The following MED24 variants were observed in gnomAD, a reference collection of about 807,000 sequenced individuals.
MED24 encodes mediator of RNA polymerase II transcription subunit 24.
A neutral mutation model predicts 118.8 loss-of-function variants in MED24; 74 were observed. The ratio of observed to expected loss-of-function variants is 0.62; its 90% CI spans 0.52 to 0.76. The LOEUF (loss-of-function observed/expected upper bound fraction) is 0.76. MED24 is among the 30% of genes least tolerant of loss of function. The probability of loss-of-function intolerance (pLI) is 0.00; values close to 1 mark genes in which losing one functional copy is unlikely to be tolerated. For synonymous variants in MED24, 521 were observed against 523.9 expected, an observed-to-expected ratio of 0.99 and a Z score of 0.08; for missense variants, 1,041 against 1,278.9, an observed-to-expected ratio of 0.81 and a Z score of 2.84.
chr17:40,032,918 G>T, intron 8 of MED24, 138 bp downstream of exon 8: 1 of 1,364,500 alleles, frequency 7.3e-7, no homozygotes, highest in African/African-American at 1.4e-5. Flanking sequence ...TGACAGAAGT[G>T]TGCACGACTG....
chr17:40,028,725 G>A (rs1026998392), intron 14 of MED24, 101 bp downstream of exon 14: 3 of 1,503,878 alleles, frequency 2.0e-6, no homozygotes, highest in South Asian at 2.6e-5. Context: ...GTGGGTCTCT[G>A]GATGAGACCC....
chr17:40,023,103 C>T (rs371344407), intron 20 of MED24, 28 bp downstream of exon 20: 61 of 1,596,946 alleles, frequency 3.8e-5, no homozygotes, highest in East Asian at 6.7e-5. Context: ...GGACCCATGT[C>T]GGCCCACAGC....
chr17:40,032,161 C>A (rs1006300823), intron 9 of MED24, 71 bp from the exon 10 acceptor site: 1 of 1,518,870 alleles, frequency 6.6e-7, no homozygotes, highest in Non-Finnish European at 9.1e-7. Flanking sequence ...CTGAAGGCAT[C>A]CCCCCGAACC....
intron 3 of MED24, among the ~76,000 whole-genome samples, chr17:40,048,248 G>T (rs1156630422): frequency 6.6e-6 from 1 of 152,110 alleles, no homozygotes; most frequent in Non-Finnish European, 1.5e-5. Flanking sequence ...AGTTCTAAAG[G>T]TACGGTTCAG....
chr17:40,019,702 C>G lies in MED24; in HGVS notation c.2854-57G>C, dbSNP rs1177286041. On this transcript the variant is annotated intron_variant, in intron 25 of 25. Coordinates refer to ENST00000394128, the MANE Select transcript of MED24 (RefSeq NM_014815.4). ...ACGGCTGGTGGTGGGTGTGCTGTCC[C>G]AGGGGGAAGGAGGCCCCTCCCTGCT... is the stretch of plus-strand genomic sequence containing the variant. 29 of 1,585,646 alleles carry G rather than the reference C, an allele frequency of 1.8e-5. No individual in the cohort carries two copies. In the Admixed American group the frequency reaches 5.0e-4, roughly 27 times the overall value.
Position 40,026,229 on chromosome 17 carries a change from T to C in MED24, c.1912A>G (p.Lys638Glu). The change falls in exon 19 of 26, where the codon AAG becomes GAG. Residue 638 changes from lysine to glutamate, a missense_variant. This residue lies in a region of MED24 where 587 missense variants were observed against 694.4 expected (regional missense o/e 0.85). Transcript: ENST00000394128. Reference sequence around the variant, plus strand: ...AGCTGGCGGATCATCTGCAGCGACTTCTCACGCTCATCCAGCCCCAGCATC... The same window carrying C: ...AGCTGGCGGATCATCTGCAGCGACTCCTCACGCTCATCCAGCCCCAGCATC... The part of the protein sequence containing the change: ...VRMLGLDERE[K>E]SLQMIRQLAG... 6.2e-7 allele frequency: 1 copy of C among 1,614,166 alleles called. No individual in the cohort carries two copies. Among genetic ancestry groups the C allele is most frequent in the Non-Finnish European group, 8.5e-7 (1 of 1,180,012 alleles).
In MED24 at chr17:40,022,829, A is replaced by C; in HGVS notation, c.2251-3T>G. 1 of 1,612,700 alleles carries C rather than the reference A, an allele frequency of 6.2e-7. No individual in the cohort carries two copies. ...TTCCGCGTCTCCTTCAGCAGCTCCTAGTGCGCAGGAAAGGGGGCAGTTCAG... is the reference window on the plus strand; with the variant it reads ...TTCCGCGTCTCCTTCAGCAGCTCCTCGTGCGCAGGAAAGGGGGCAGTTCAG... On this transcript the variant is annotated splice_polypyrimidine_tract_variant and splice_region_variant and intron_variant, in intron 20 of 25. Transcript: ENST00000394128.
intron 9 of MED24, 76 bp downstream of exon 9, chr17:40,032,573 G>C: frequency 8.4e-7 from 1 of 1,185,166 alleles, no homozygotes; most frequent in Non-Finnish European, 1.2e-6. Context: ...GGAACACAGG[G>C]CAAAGGTCCA....
At chr17:40,020,468 A>G (rs1166162614) in intron 23 of MED24, 115 bp from the exon 24 acceptor site, 1 of 1,542,848 alleles carries the variant, frequency 6.5e-7, no homozygotes, top group Non-Finnish European at 8.8e-7. Flanking sequence ...GTACATGGAG[A>G]GCCCAGAGAA....
intron 22 of MED24, 57 bp from the exon 23 acceptor site, chr17:40,022,111 C>T (rs1220060497): frequency 1.5e-6 from 2 of 1,359,206 alleles, no homozygotes; most frequent in Non-Finnish European, 2.0e-6. Flanking sequence ...TTCCAGCTGT[C>T]AGGGAAAAGA....
Position 40,044,376 on chromosome 17 carries a change from T to C in MED24, c.214-8222A>G, listed in dbSNP as rs1984921197. ...ATCTACTAAAAATACAAAAATTAGCTGGGCATGGTGGCGCATGCCTGTAAT... is the reference window on the plus strand; with the variant it reads ...ATCTACTAAAAATACAAAAATTAGCCGGGCATGGTGGCGCATGCCTGTAAT... On this transcript the variant is annotated intron_variant, in intron 3 of 25. Transcript: ENST00000394128. Among the ~76,000 whole-genome samples the C allele has an allele frequency of 5.3e-5, 8 of 151,008 alleles. 1 individual carries two copies. In the South Asian group the frequency reaches 1.7e-3, roughly 32 times the overall value.
chr17:40,022,295 A>G, intron 22 of MED24, 99 bp downstream of exon 22: 2 of 1,262,736 alleles, frequency 1.6e-6, no homozygotes, highest in South Asian at 1.3e-5. Flanking sequence ...CCCCAAGGGC[A>G]GGGGCCACAA....
chr17:40,019,873 T>C lies in MED24; in HGVS notation c.2765A>G (p.Gln922Arg). The part of the protein sequence containing the change: ...LGSRTAGPHT[Q>R]FVQWFMEECV... ...CTCCTCCATGAACCACTGCACGAACTGGGTGTGGGGGCCAGCGGTGCGAGA... is the reference window on the plus strand; with the variant it reads ...CTCCTCCATGAACCACTGCACGAACCGGGTGTGGGGGCCAGCGGTGCGAGA... Residue 922 changes from glutamine (Q) to arginine (R), a missense_variant, in exon 25 of 26, where the codon CAG becomes CGG. By Grantham distance (43) the Gln-to-Arg change is conservative. This residue lies in a region of MED24 where 587 missense variants were observed against 694.4 expected (regional missense o/e 0.85). Coordinates refer to ENST00000394128, the MANE Select transcript of MED24 (RefSeq NM_014815.4). The C allele has an allele frequency of 1.3e-6, 2 of 1,588,276 alleles. No homozygotes were observed. Among genetic ancestry groups the C allele is most frequent in the Non-Finnish European group, 8.6e-7 (1 of 1,166,656 alleles).
chr17:40,027,005 A>T lies in MED24; in HGVS notation c.1560T>A (p.Ala520=). 1 of 1,614,162 alleles carries T rather than the reference A, an allele frequency of 6.2e-7. No homozygotes were observed. Among genetic ancestry groups the T allele is most frequent in the Non-Finnish European group, 8.5e-7 (1 of 1,180,026 alleles). Residue 520 remains alanine, a synonymous_variant, in exon 17 of 26, where the codon GCT becomes GCA. Transcript: ENST00000394128. Reference sequence around the variant, plus strand: ...TCCAGGTCTCGAAGAAGGGCACCTCAGCTCCTGTGCGCGACTCGGACAGAA... The same window carrying T: ...TCCAGGTCTCGAAGAAGGGCACCTCTGCTCCTGTGCGCGACTCGGACAGAA... ...EVILSESRTG[A]EVPFFETWMQ...
Position 40,026,214 on chromosome 17 carries a change from T to A in MED24, c.1927A>T (p.Ile643Phe), listed in dbSNP as rs1305704800. ...AACAGTGGCCCTGCCAGCTGGCGGA[T>A]CATCTGCAGCGACTTCTCACGCTCA... Reference protein sequence around the residue: ...LDEREKSLQMIRQLAGPLFSE... With the variant: ...LDEREKSLQMFRQLAGPLFSE... Residue 643 changes from isoleucine to phenylalanine, a missense_variant, in exon 19 of 26, where the codon ATC becomes TTC. Ile to Phe is a conservative substitution (Grantham distance 21, BLOSUM62 0). Around this residue, in one of 3 missense-constraint regions of MED24, gnomAD observed 587 missense variants for 694.4 expected, o/e 0.85. Transcript: ENST00000394128. The A allele has an allele frequency of 6.2e-7, 1 of 1,614,062 alleles. No individual in the cohort carries two copies. Among genetic ancestry groups the A allele is most frequent in the African/African-American group, 1.3e-5 (1 of 74,928 alleles).
intron 3 of MED24, among the ~76,000 whole-genome samples, chr17:40,037,910 C>CAA (rs769675825): frequency 3.6e-5 from 3 of 82,720 alleles, no homozygotes; most frequent in Admixed American, 1.4e-4. Flanking sequence ...GACTCTGTCT[C>CAA]AAAAAAAAAA....
chr17:40,040,724 T>C (rs1984475196), intron 3 of MED24, among the ~76,000 whole-genome samples: 1 of 151,750 alleles, frequency 6.6e-6, no homozygotes, highest in African/African-American at 2.4e-5. Flanking sequence ...GTTCAAGCAA[T>C]TCTCCTGCCT....
intron 3 of MED24, among the ~76,000 whole-genome samples, chr17:40,052,169 T>C (rs527356104): frequency 6.6e-6 from 1 of 152,010 alleles, no homozygotes; most frequent in Admixed American, 6.6e-5. Flanking sequence ...GGCAGGCACC[T>C]GTAGTCCCAG....
At chr17:40,053,712 G>T (rs1172323420) in intron 1 of MED24, 77 bp from the exon 2 acceptor site, 4 of 1,555,306 alleles carry the variant, frequency 2.6e-6, no homozygotes, top group South Asian at 1.1e-5. Context: ...GAATTAAATA[G>T]AAAGGAGAAG....
Sources: allele counts gnomAD v4.1 joint callset (sites outside exome capture counted in the v4.1 genomes callset), GRCh38; gene constraint gnomAD v4.1.1; regional missense constraint gnomAD v4.1.1; transcripts MANE v1.5; gene names NCBI Gene and HGNC (gene_info 2026-07-23, HGNC 2026-07-21).